The following CAST variants were observed in gnomAD, a reference collection of about 807,000 sequenced individuals.
CAST encodes calpastatin.
In CAST, 76 loss-of-function variants were observed where a neutral mutation model predicts 119.6. That is an observed-to-expected ratio of 0.64 (90% CI 0.53 to 0.77). The LOEUF is 0.77. CAST is among the 30% of genes least tolerant of loss of function. The probability of loss-of-function intolerance (pLI) is 0.00; values close to 1 mark genes in which losing one functional copy is unlikely to be tolerated. For synonymous variants in CAST, 319 were observed against 331.6 expected (o/e 0.96, Z 0.41); for missense variants, 953 against 946.5 (o/e 1.01, Z -0.09).
At chr5:96,463,150 C>T in the CAST span, among the ~76,000 whole-genome samples, 26 of 152,160 alleles carry the variant, frequency 1.7e-4, no homozygotes, top group African/African-American at 4.8e-4. Flanking sequence ...AGCAGCTTGA[C>T]GACAATGTAA....
chr5:96,121,483 GAA>G, the CAST span, among the ~76,000 whole-genome samples: 2 of 134,670 alleles, frequency 1.5e-5, no homozygotes, highest in African/African-American at 2.7e-5. Context: ...TCATTTTGAT[GAA>G]AAAAAAAAAA....
chr5:96,737,178 C>T (rs1761838034), intron 10 of CAST, among the ~76,000 whole-genome samples: 1 of 152,144 alleles, frequency 6.6e-6, no homozygotes, highest in Non-Finnish European at 1.5e-5. Context: ...GGAGTTGAGA[C>T]TTGGGTGGAG....
the CAST span, chr5:95,986,272 T>C: frequency 6.6e-6 from 1 of 152,244 alleles, no homozygotes; most frequent in Non-Finnish European, 1.5e-5. Context: ...AGTCTCCTCA[T>C]GGTAGCAGCT....
At chr5:96,618,145 T>C (rs1747506742) in intron 1 of CAST, among the ~76,000 whole-genome samples, 1 of 152,218 alleles carries the variant, frequency 6.6e-6, no homozygotes, top group Non-Finnish European at 1.5e-5. Context: ...CAGGGCCCAC[T>C]TGCAGAGAGG....
the CAST span, among the ~76,000 whole-genome samples, chr5:96,096,711 G>A: frequency 1.1e-4 from 17 of 152,050 alleles, no homozygotes; most frequent in Admixed American, 7.9e-4. Flanking sequence ...TTCCATTACC[G>A]TCTGCAGCAG....
the CAST span, among the ~76,000 whole-genome samples, chr5:96,511,897 T>C: frequency 2.6e-5 from 4 of 152,202 alleles, no homozygotes; most frequent in Non-Finnish European, 2.9e-5. Flanking sequence ...ATCCAACCTC[T>C]TGCTCTTGTC....
In CAST at chr5:96,770,561, A is replaced by C. The variant is rs200689846; in HGVS notation, c.2299A>C (p.Lys767Gln). 14 of 1,613,228 alleles carry C rather than the reference A, an allele frequency of 8.7e-6. No individual in the cohort carries two copies. Among genetic ancestry groups the C allele is most frequent in the Non-Finnish European group, 1.0e-5 (12 of 1,179,298 alleles). ...DKCKKAASSS[K>Q]APKNGGKAKD... ...GTGCAAGAAGGCTGCTTCCAGCTCC[A>C]AAGCACCTAAGAATGGAGGTAAAGC... Residue 767 changes from lysine (K) to glutamine (Q), a missense_variant, in exon 30 of 32, where the codon AAA (lysine) becomes CAA (glutamine). Coordinates refer to ENST00000675179, the MANE Select transcript of CAST (RefSeq NM_001750.7).
chr5:96,282,122 G>A, the CAST span, among the ~76,000 whole-genome samples: 1 of 145,742 alleles, frequency 6.9e-6, no homozygotes, highest in Non-Finnish European at 1.5e-5. Context: ...GGTAACATAC[G>A]CACCACATGG....
chr5:96,491,513 A>AAAAAAAAAAAAAAAAC, the CAST span, among the ~76,000 whole-genome samples: 1 of 146,630 alleles, frequency 6.8e-6, no homozygotes, highest in South Asian at 2.2e-4. Context: ...AAAAAAAAAA[A>AAAAAAAAAAAAAAAAC]AAAAAAAAAA....
chr5:96,290,566 C>T, the CAST span, among the ~76,000 whole-genome samples: 1,158 of 152,230 alleles, frequency 7.6e-3, 12 homozygotes, highest in African/African-American at 0.027. Context: ...TGAAGCTTCC[C>T]CTATGCATCT....
Position 96,765,213 on chromosome 5 carries a change from C to T in CAST, c.1933-8C>T, listed in dbSNP as rs1274706567. Reference sequence around the variant, plus strand: ...TGAGTGACTAATTCAGCATTATTTACTTTTCAGCAGAGTGACAAAGACCTC... The same window carrying T: ...TGAGTGACTAATTCAGCATTATTTATTTTTCAGCAGAGTGACAAAGACCTC... On this transcript the variant is annotated splice_polypyrimidine_tract_variant and splice_region_variant and intron_variant, in intron 25 of 31. Coordinates refer to ENST00000675179, the MANE Select transcript of CAST (RefSeq NM_001750.7). 3 of 1,542,372 alleles carry T rather than the reference C, an allele frequency of 1.9e-6. No homozygotes were observed. Among genetic ancestry groups the T allele is most frequent in the Non-Finnish European group, 8.9e-7 (1 of 1,121,940 alleles).
At chr5:96,584,663 G>C (rs76103479) in intron 1 of CAST, 2 of 152,312 alleles carry the variant, frequency 1.3e-5, no homozygotes, top group East Asian at 1.9e-4. Context: ...CACCTCTAGG[G>C]ATGGGAGAAA....
intron 1 of CAST, among the ~76,000 whole-genome samples, chr5:96,583,447 G>T (rs891445169): frequency 6.6e-6 from 1 of 152,108 alleles, no homozygotes; most frequent in Non-Finnish European, 1.5e-5. Flanking sequence ...AAGCACATAT[G>T]TTCAAATTCT....
chr5:96,491,777 T>C, the CAST span, among the ~76,000 whole-genome samples: 1 of 152,166 alleles, frequency 6.6e-6, no homozygotes, highest in Non-Finnish European at 1.5e-5. Flanking sequence ...AACAGTAGAA[T>C]GATAAATAAA....
chr5:96,007,622 G>GTGCGGCACTGAAGAAAGGCCAT, the CAST span, among the ~76,000 whole-genome samples: 1 of 13,570 alleles, frequency 7.4e-5, no homozygotes, highest in Non-Finnish European at 1.1e-4. Flanking sequence ...AGAGGAAGAT[G>GTGCGGCACTGAAGAAAGGCCAT]GGGCCGGGCG....
At chr5:96,579,783 C>A (rs1746739045) in intron 1 of CAST, among the ~76,000 whole-genome samples, 1 of 152,192 alleles carries the variant, frequency 6.6e-6, no homozygotes, top group Non-Finnish European at 1.5e-5. Context: ...AACATCTTGT[C>A]CAGAACAGAG....
chr5:96,562,817 A>C (rs1336299836), intron 1 of CAST, among the ~76,000 whole-genome samples: 3 of 152,220 alleles, frequency 2.0e-5, no homozygotes, highest in Admixed American at 2.0e-4. Context: ...AAACAAAATG[A>C]GGCAGCTCAC....
chr5:96,482,856 C>A, the CAST span, among the ~76,000 whole-genome samples: 1 of 152,048 alleles, frequency 6.6e-6, no homozygotes, highest in African/African-American at 2.4e-5. Context: ...GGGAAAAAAT[C>A]CTGTTAAACA....
chr5:96,288,299 G>T, the CAST span, among the ~76,000 whole-genome samples: 1 of 152,138 alleles, frequency 6.6e-6, no homozygotes, highest in African/African-American at 2.4e-5. Flanking sequence ...TGAATGTGAA[G>T]TTTCATAATA....
Sources: gnomAD v4.1 joint callset for allele counts (sites outside exome capture counted in the v4.1 genomes callset) on GRCh38, gnomAD v4.1.1 for gene constraint, MANE v1.5 for transcripts, NCBI Gene and HGNC (gene_info 2026-07-23, HGNC 2026-07-21) for gene names.